RALYL: variants seen among roughly 807,000 people sequenced by gnomAD.
RALYL encodes the protein RNA-binding Raly-like protein.
RALYL carries 29 observed loss-of-function variants against 35.1 expected under a neutral mutation model. The observed-to-expected ratio is 0.83, with a 90% CI of 0.61 to 1.13. The LOEUF (loss-of-function observed/expected upper bound fraction) is 1.13. Among genes scored for constraint, RALYL ranks in the 50% most tolerant of loss-of-function variants. RALYL has a pLI of 0.00. For synonymous variants in RALYL, 120 were observed against 127.6 expected, an observed-to-expected ratio of 0.94 and a Z score of 0.40; for missense variants, 359 against 360.4, an observed-to-expected ratio of 1.00 and a Z score of 0.03.
chr8:84,598,796 G>A (rs1317497403), intron 2 of RALYL, among the ~76,000 whole-genome samples: 1 of 152,020 alleles, frequency 6.6e-6, no homozygotes, highest in Non-Finnish European at 1.5e-5. Context: ...AGGAGTGCAG[G>A]TATCTCTTTA....
At chr8:84,671,467 G>T (rs892738977) in intron 2 of RALYL, among the ~76,000 whole-genome samples, 1 of 152,184 alleles carries the variant, frequency 6.6e-6, no homozygotes, top group Non-Finnish European at 1.5e-5. Context: ...CCTGTCAGAG[G>T]TTCTCAATGA....
In RALYL at chr8:84,705,893, G is replaced by C. The variant is rs953274780; in HGVS notation, c.257-68686G>C. On this transcript the variant is annotated intron_variant, in intron 2 of 8. Coordinates refer to ENST00000521268, the MANE Select transcript of RALYL (RefSeq NM_173848.7). ...ATTTTATGAGAATGGTATTACCCTG[G>C]CTTTCACTGTGTGATTGCTGGTTAC... 4 of 1,470,774 alleles carry C rather than the reference G, an allele frequency of 2.7e-6. No homozygotes were observed. The South Asian group carries it at 4.2e-5, about 16-fold the overall frequency. The allele number at this position is 1,470,774 out of a possible 1,614,324, so 91.1% of individuals were successfully genotyped here.
At chr8:84,390,566 C>G (rs1044759626) in intron 1 of RALYL, among the ~76,000 whole-genome samples, 3 of 152,026 alleles carry the variant, frequency 2.0e-5, no homozygotes, top group African/African-American at 7.2e-5. Flanking sequence ...CTGGTTTAGT[C>G]TTGGGAGACT....
At chr8:84,800,611 C>CTAT (rs1290381744) in intron 3 of RALYL, among the ~76,000 whole-genome samples, 1 of 150,842 alleles carries the variant, frequency 6.6e-6, no homozygotes, top group African/African-American at 2.4e-5. Context: ...AATTCACTAC[C>CTAT]TATTTCACAT....
At chr8:84,627,214 A>G (rs1420921969) in intron 2 of RALYL, among the ~76,000 whole-genome samples, 1 of 151,870 alleles carries the variant, frequency 6.6e-6, no homozygotes, top group East Asian at 1.9e-4. Flanking sequence ...TCGTCTTTCC[A>G]GGTCAAATAA....
At chr8:84,403,336 TAAGGTGTAAGGA>T (rs938596453) in intron 1 of RALYL, among the ~76,000 whole-genome samples, 1 of 152,058 alleles carries the variant, frequency 6.6e-6, no homozygotes, top group African/African-American at 2.4e-5. Context: ...AATTTTTGGA[TAAGGTGTAAGGA>T]AAGGGTCCAG....
At chr8:84,408,861 C>T (rs2043820017) in intron 1 of RALYL, among the ~76,000 whole-genome samples, 1 of 152,054 alleles carries the variant, frequency 6.6e-6, no homozygotes, top group South Asian at 2.1e-4. Flanking sequence ...ACTAGATTTT[C>T]CATATTCTGT....
At chr8:84,538,773 T>C (rs1329914700) in intron 2 of RALYL, among the ~76,000 whole-genome samples, 1 of 152,108 alleles carries the variant, frequency 6.6e-6, no homozygotes, top group East Asian at 1.9e-4. Flanking sequence ...TAAGAAAGGC[T>C]TATGCGCCAG....
intron 2 of RALYL, among the ~76,000 whole-genome samples, chr8:84,704,480 C>CACACACACACACACACA (rs145150857): frequency 8.0e-4 from 112 of 139,580 alleles, no homozygotes; most frequent in Non-Finnish European, 1.3e-3. Flanking sequence ...CACACACACA[C>CACACACACACACACACA]ACAACAACTC....
chr8:84,847,773 G>A lies in RALYL; in HGVS notation c.366-2207G>A, dbSNP rs570236614. The stretch of plus-strand genomic sequence containing the variant: ...CATAGATGGATACAGCATTGCTCTA[G>A]CCATACAATGCTCAGTCTTCCATTC... On this transcript the variant is annotated intron_variant, in intron 4 of 8. Coordinates refer to ENST00000521268, the MANE Select transcript of RALYL (RefSeq NM_173848.7). 2.1e-4 allele frequency among the ~76,000 whole-genome samples: 32 copies of A among 152,254 alleles called. No individual in the cohort carries two copies. The South Asian group carries it at 6.2e-3, about 30-fold the overall frequency.
chr8:84,921,436 C>T lies in RALYL; in HGVS notation c.*525C>T, dbSNP rs1278467881. On this transcript the variant is annotated 3_prime_UTR_variant, in exon 9 of 9. Coordinates refer to ENST00000521268, the MANE Select transcript of RALYL (RefSeq NM_173848.7). ...ATACTTGAAAAAGTTATATTTCTGCCCTGTATAAGCACCCTTTTTATTAAT... is the reference window on the plus strand; with the variant it reads ...ATACTTGAAAAAGTTATATTTCTGCTCTGTATAAGCACCCTTTTTATTAAT... 2.0e-5 allele frequency: 3 copies of T among 151,886 alleles called. No individual in the cohort carries two copies. The highest frequency in any genetic ancestry group is 4.2e-4 in the South Asian group (2 of 4,804). The allele number at this position is 151,886 out of a possible 1,614,324, so 9.4% of individuals were successfully genotyped here. A position where few individuals can be genotyped will look rare whatever the true frequency, so the allele number is the denominator to read the frequency against.
chr8:84,344,396 C>T (rs568165669), intron 1 of RALYL, among the ~76,000 whole-genome samples: 38 of 152,070 alleles, frequency 2.5e-4, no homozygotes, highest in African/African-American at 8.7e-4. Context: ...TACATACTTT[C>T]AGGAGCTGGG....
intron 1 of RALYL, among the ~76,000 whole-genome samples, chr8:84,257,789 A>C (rs1360605500): frequency 1.3e-5 from 2 of 152,296 alleles, no homozygotes; most frequent in Admixed American, 6.5e-5. Flanking sequence ...TTTCCCAGTG[A>C]AAATTTAAAA....
At chr8:84,510,383 G>A (rs1277086161) in intron 1 of RALYL, among the ~76,000 whole-genome samples, 2 of 152,098 alleles carry the variant, frequency 1.3e-5, no homozygotes, top group Admixed American at 1.3e-4. Context: ...CTTGATATGT[G>A]TCCATCTGTG....
At chr8:84,912,898 G>A (rs940129765) in intron 8 of RALYL, among the ~76,000 whole-genome samples, 1 of 151,862 alleles carries the variant, frequency 6.6e-6, no homozygotes, top group Non-Finnish European at 1.5e-5. Flanking sequence ...TTCTTTCTTT[G>A]TGTCTCAGGA....
intron 2 of RALYL, among the ~76,000 whole-genome samples, chr8:84,652,124 G>T (rs112558675): frequency 0.016 from 2,362 of 152,150 alleles, 28 homozygotes; most frequent in Middle Eastern, 0.037. Context: ...TGTCAAATGT[G>T]TTTCTACAAG....
Position 84,839,636 on chromosome 8 carries a change from G to A in RALYL, c.366-10344G>A, listed in dbSNP as rs547000038. Reference sequence around the variant, plus strand: ...AAGAGAGTAGTGGTTCTCCCAGCACGCAGCTGGACATCGGAGAATGGACAG... The same window carrying A: ...AAGAGAGTAGTGGTTCTCCCAGCACACAGCTGGACATCGGAGAATGGACAG... On this transcript the variant is annotated intron_variant, in intron 4 of 8. Coordinates refer to ENST00000521268, the MANE Select transcript of RALYL (RefSeq NM_173848.7). 1.4e-4 allele frequency among the ~76,000 whole-genome samples: 21 copies of A among 152,354 alleles called. No individual in the cohort carries two copies. In the East Asian group the frequency reaches 1.9e-3, roughly 14 times the overall value.
chr8:84,568,512 A>G (rs1436908594), intron 2 of RALYL, among the ~76,000 whole-genome samples: 37 of 149,262 alleles, frequency 2.5e-4, no homozygotes, highest in Middle Eastern at 3.4e-3. Flanking sequence ...ATAAACATAC[A>G]TGTGCATGTG....
At chr8:84,643,779 A>G (rs911821448) in intron 2 of RALYL, among the ~76,000 whole-genome samples, 7 of 151,974 alleles carry the variant, frequency 4.6e-5, no homozygotes, top group Non-Finnish European at 8.8e-5. Context: ...CAAAGTAACC[A>G]CTTCATACGT....
Sources: allele counts gnomAD v4.1 joint callset (sites outside exome capture counted in the v4.1 genomes callset), GRCh38; gene constraint gnomAD v4.1.1; transcripts MANE v1.5; gene names NCBI Gene and HGNC (gene_info 2026-07-23, HGNC 2026-07-21).